Variants in PCSK5 observed in about 807,000 individuals in gnomAD.
PCSK5 encodes proprotein convertase subtilisin/kexin type 5.
PCSK5 carries 129 observed loss-of-function variants against 233.2 expected under a neutral mutation model. That is an observed-to-expected ratio of 0.55 (90% CI 0.48 to 0.64). The LOEUF is 0.64. Among genes scored for constraint, PCSK5 ranks in the 30% least tolerant of loss-of-function variants. The pLI, the probability that PCSK5 is intolerant of heterozygous loss-of-function variation, is 0.00. For synonymous variants in PCSK5, 825 were observed against 879.2 expected, an observed-to-expected ratio of 0.94 and a Z score of 1.09; for missense variants, 2,076 against 2,430.1, an observed-to-expected ratio of 0.85 and a Z score of 3.06.
At chr9:76,150,991 G>C (rs1396108936) in intron 10 of PCSK5, among the ~76,000 whole-genome samples, 1 of 149,056 alleles carries the variant, frequency 6.7e-6, no homozygotes, top group Non-Finnish European at 1.5e-5. Flanking sequence ...TTCATATTTA[G>C]CTGTTTCTTT....
At chr9:76,005,069 C>T (rs1001505140) in intron 3 of PCSK5, among the ~76,000 whole-genome samples, 1 of 152,196 alleles carries the variant, frequency 6.6e-6, no homozygotes, top group Non-Finnish European at 1.5e-5. Context: ...GATTTCTTTC[C>T]CTTCCTTTCA....
At chr9:76,325,036 G>C (rs1318412020) in intron 32 of PCSK5, among the ~76,000 whole-genome samples, 1 of 152,182 alleles carries the variant, frequency 6.6e-6, no homozygotes, top group Non-Finnish European at 1.5e-5. Context: ...GCCTTGTGCT[G>C]TGGATATGTC....
chr9:76,198,228 C>T (rs896535403), intron 20 of PCSK5, among the ~76,000 whole-genome samples: 2 of 152,122 alleles, frequency 1.3e-5, no homozygotes, highest in African/African-American at 4.8e-5. Context: ...CTCTAAAGGA[C>T]CATTGTTGGA....
At chr9:75,989,518 CAT>C (rs141452275) in intron 3 of PCSK5, among the ~76,000 whole-genome samples, 2,173 of 151,760 alleles carry the variant, frequency 0.014, 49 homozygotes, top group African/African-American at 0.05. Context: ...ACAATTATCT[CAT>C]AGATTCTGAG....
chr9:76,266,704 G>A (rs535444900), intron 24 of PCSK5, among the ~76,000 whole-genome samples: 1 of 152,142 alleles, frequency 6.6e-6, no homozygotes, highest in East Asian at 1.9e-4. Flanking sequence ...ACAGACTTAA[G>A]CAGCCACTTG....
At chr9:76,209,140 T>G (rs979930078) in intron 20 of PCSK5, among the ~76,000 whole-genome samples, 1 of 152,216 alleles carries the variant, frequency 6.6e-6, no homozygotes, top group Non-Finnish European at 1.5e-5. Context: ...AAGCCACAAA[T>G]GTCTAGCCTA....
At chr9:76,152,510 A>T (rs1185909112) in intron 10 of PCSK5, among the ~76,000 whole-genome samples, 1 of 152,122 alleles carries the variant, frequency 6.6e-6, no homozygotes, top group Non-Finnish European at 1.5e-5. Context: ...TGTTTGCGGG[A>T]TGCTGCATAA....
At position 75,890,768 on chromosome 9, in the gene PCSK5, G is replaced by A; in HGVS notation, c.-414G>A. On this transcript the variant is annotated 5_prime_UTR_variant, in exon 1 of 38. Transcript: ENST00000674117. ...GCCCGGGCCAGCAGAGGGGGCGCCC[G>A]GTCGCTGCCTGTACCGCTCCCGCTG... 5.9e-6 allele frequency: 1 copy of A among 169,238 alleles called. No individual in the cohort carries two copies. The highest frequency in any genetic ancestry group is 1.3e-5 in the Non-Finnish European group (1 of 79,140). 10.5% of individuals were successfully genotyped at this position (169,238 alleles called of 1,614,324 possible).
chr9:76,303,924 C>T (rs906935430), intron 28 of PCSK5, among the ~76,000 whole-genome samples: 4 of 152,270 alleles, frequency 2.6e-5, no homozygotes, highest in African/African-American at 9.6e-5. Context: ...GTAATCCCAG[C>T]GCTTTGGGAG....
At chr9:75,983,662 A>C (rs1826373550) in intron 2 of PCSK5, among the ~76,000 whole-genome samples, 1 of 152,246 alleles carries the variant, frequency 6.6e-6, no homozygotes, top group African/African-American at 2.4e-5. Context: ...AACTTTCAAA[A>C]GTTAAGCCAG....
intron 10 of PCSK5, among the ~76,000 whole-genome samples, chr9:76,139,418 A>G (rs1230267828): frequency 6.6e-6 from 1 of 152,130 alleles, no homozygotes; most frequent in Non-Finnish European, 1.5e-5. Flanking sequence ...TACATAAGGC[A>G]CTTTAATTGG....
At chr9:76,322,152 G>T (rs1429888310) in intron 31 of PCSK5, among the ~76,000 whole-genome samples, 1 of 152,066 alleles carries the variant, frequency 6.6e-6, no homozygotes, top group Non-Finnish European at 1.5e-5. Context: ...GTTTCTCCAT[G>T]TTGGTCAGGC....
Position 76,071,762 on chromosome 9 carries a change from T to A in PCSK5, c.758T>A (p.Val253Asp). ...RMLDGDVTDM[V>D]EAKSVSFNPQ... ...CTGGACGGAGATGTCACGGACATGG[T>A]TGAAGCAAAATCAGTTAGCTTCAAC... is the stretch of plus-strand genomic sequence containing the variant. Residue 253 changes from valine (V) to aspartate (D), a missense_variant, in exon 7 of 38, where the codon GTT (valine) becomes GAT (aspartate). By Grantham distance (152) the Val-to-Asp change is radical. Coordinates refer to ENST00000674117, the MANE Select transcript of PCSK5 (RefSeq NM_001372043.1). 1 of 1,613,950 alleles carries A rather than the reference T, an allele frequency of 6.2e-7. No homozygotes were observed.
intron 8 of PCSK5, among the ~76,000 whole-genome samples, chr9:76,099,889 C>G (rs1831686829): frequency 6.6e-6 from 1 of 152,194 alleles, no homozygotes; most frequent in Non-Finnish European, 1.5e-5. Context: ...TGTCATTCTT[C>G]ATTCATAGAG....
chr9:76,342,333 G>C (rs1232997638), intron 35 of PCSK5, among the ~76,000 whole-genome samples: 1 of 152,132 alleles, frequency 6.6e-6, no homozygotes, highest in Admixed American at 6.5e-5. Context: ...CTTAAGACTT[G>C]TGGATGAAAT....
chr9:76,291,158 G>C (rs1352405624), intron 24 of PCSK5, among the ~76,000 whole-genome samples: 1 of 152,162 alleles, frequency 6.6e-6, no homozygotes, highest in Non-Finnish European at 1.5e-5. Flanking sequence ...TGCATTAGTT[G>C]TATTATGTGT....
chr9:76,165,358 G>A (rs989001868), intron 12 of PCSK5, among the ~76,000 whole-genome samples: 6 of 152,196 alleles, frequency 3.9e-5, no homozygotes, highest in African/African-American at 1.4e-4. Context: ...ACACATAGCT[G>A]TCAGTATTTA....
At chr9:76,126,407 A>C (rs961642331) in intron 9 of PCSK5, among the ~76,000 whole-genome samples, 33 of 152,210 alleles carry the variant, frequency 2.2e-4, no homozygotes, top group African/African-American at 7.7e-4. Context: ...TGAGGTCAGG[A>C]GTTCGAGACC....
intron 5 of PCSK5, among the ~76,000 whole-genome samples, chr9:76,063,469 C>A (rs866381461): frequency 9.8e-6 from 1 of 101,588 alleles, no homozygotes; most frequent in Non-Finnish European, 2.0e-5. Flanking sequence ...AGGCAGAGGA[C>A]CCTGCGGCCT....
Sources: allele counts gnomAD v4.1 joint callset (sites outside exome capture counted in the v4.1 genomes callset), GRCh38; gene constraint gnomAD v4.1.1; transcripts MANE v1.5; gene names NCBI Gene and HGNC (gene_info 2026-07-23, HGNC 2026-07-21).